EPHB3: variants seen among roughly 807,000 people sequenced by gnomAD.
EPHB3 encodes EPH receptor B3, also known as ephrin type-B receptor 3.
In EPHB3, 33 loss-of-function variants were observed where a neutral mutation model predicts 100.2. The ratio of observed to expected loss-of-function variants is 0.33; its 90% confidence interval spans 0.25 to 0.44. EPHB3 has a LOEUF of 0.44. Ranked by LOEUF, EPHB3 falls within the 20% of genes least tolerant of loss-of-function variation. The probability of loss-of-function intolerance (pLI) is 1.00; values close to 1 mark genes in which losing one functional copy is unlikely to be tolerated. For synonymous variants in EPHB3, 526 were observed against 554.7 expected (o/e 0.95, Z 0.73); for missense variants, 1,045 against 1,378.3 (o/e 0.76, Z 3.83).
rs971259854 is a variant in EPHB3 at position 184,569,660 on chromosome 3, T to G, written c.119-1658T>G. Among the ~76,000 whole-genome samples, 17 of 152,336 alleles carry G rather than the reference T, an allele frequency of 1.1e-4. No homozygotes were observed. Among genetic ancestry groups the G allele is most frequent in the African/African-American group, 3.8e-4 (16 of 41,576 alleles). ...GCGGGAGGAGCCTCCCTCCCTGCAG[T>G]GAATGGCTGCTGCCTGCAGCCCCTT... On this transcript the variant is annotated intron_variant, in intron 1 of 15. Transcript: ENST00000330394. The surrounding 1 kb of genome is among the most constrained non-coding windows in gnomAD (Gnocchi z 5.4).
chr3:184,562,446 C>G lies in EPHB3; in HGVS notation c.118+93C>G. On this transcript the variant is annotated intron_variant, in intron 1 of 15. Coordinates refer to ENST00000330394, the MANE Select transcript of EPHB3 (RefSeq NM_004443.4). The surrounding 1 kb of genome is among the most constrained non-coding windows in gnomAD (Gnocchi z 4.8). ...GTGGGTCCGACCCGGATTGAGCGCACGTCGGAGGAGGCCCCGCCACCGGCG... is the reference window on the plus strand; with the variant it reads ...GTGGGTCCGACCCGGATTGAGCGCAGGTCGGAGGAGGCCCCGCCACCGGCG... 1 of 1,121,320 alleles carries G rather than the reference C, an allele frequency of 8.9e-7. No homozygotes were observed. The highest frequency in any genetic ancestry group is 1.1e-6 in the Non-Finnish European group (1 of 916,638). 69.5% of individuals were successfully genotyped at this position (1,121,320 alleles called of 1,614,324 possible).
chr3:184,577,214 G>A lies in EPHB3; in HGVS notation c.1354+31G>A. The A allele has an allele frequency of 1.3e-6, 2 of 1,575,442 alleles. No individual in the cohort carries two copies. Among genetic ancestry groups the A allele is most frequent in the Non-Finnish European group, 1.7e-6 (2 of 1,157,794 alleles). On this transcript the variant is annotated intron_variant, in intron 5 of 15. Coordinates refer to ENST00000330394, the MANE Select transcript of EPHB3 (RefSeq NM_004443.4). The surrounding 1 kb of genome is among the most constrained non-coding windows in gnomAD (Gnocchi z 4.9). ...GAGGGGACACTGGAGGGTAGGGCCT[G>A]GGTCACTTTCTCCTGGATGAGGTGT... is the stretch of plus-strand genomic sequence containing the variant.
intron 3 of EPHB3, chr3:184,575,266 C>CTT: frequency 1.0e-6 from 1 of 979,526 alleles, no homozygotes; most frequent in Non-Finnish European, 1.2e-6. Context: ...TGCCTGCTTT[C>CTT]TTTCTCTCCT....
chr3:184,566,054 G>A (rs1714377573), intron 1 of EPHB3, among the ~76,000 whole-genome samples: 1 of 152,214 alleles, frequency 6.6e-6, no homozygotes, highest in African/African-American at 2.4e-5. Flanking sequence ...GAGGGAGACT[G>A]GATACAGCTG....
In EPHB3 at chr3:184,563,076, C is replaced by T. The variant is rs1714298490; in HGVS notation, c.118+723C>T. Among the ~76,000 whole-genome samples, 2 of 152,222 alleles carry T rather than the reference C, an allele frequency of 1.3e-5. No homozygotes were observed. Among genetic ancestry groups the T allele is most frequent in the South Asian group, 4.1e-4 (2 of 4,832 alleles). On this transcript the variant is annotated intron_variant, in intron 1 of 15. Transcript: ENST00000330394. The surrounding 1 kb of genome is among the most constrained non-coding windows in gnomAD (Gnocchi z 4.1). ...GCTGGTGGGAAAAGGCCAGGCTTCT[C>T]AATAGGTTCTGTGAAACCTGCCAAG...
intron 3 of EPHB3, among the ~76,000 whole-genome samples, chr3:184,574,585 A>G (rs1174460659): frequency 6.6e-6 from 1 of 152,152 alleles, no homozygotes; most frequent in African/African-American, 2.4e-5. Flanking sequence ...GATGACTCTT[A>G]TGGCAGCCCT....
At position 184,569,793 on chromosome 3, in the gene EPHB3, G is replaced by A. The variant is rs1339343686; in HGVS notation, c.119-1525G>A. Among the ~76,000 whole-genome samples the A allele has an allele frequency of 2.0e-5, 3 of 152,280 alleles. No individual in the cohort carries two copies. Among genetic ancestry groups the A allele is most frequent in the Non-Finnish European group, 4.4e-5 (3 of 68,046 alleles). ...TCCGGGAAACCACTGAAGGCTGCAAGCCTGTGGCCGCGGGGTTTGGGCTTT... is the reference window on the plus strand; with the variant it reads ...TCCGGGAAACCACTGAAGGCTGCAAACCTGTGGCCGCGGGGTTTGGGCTTT... On this transcript the variant is annotated intron_variant, in intron 1 of 15. Coordinates refer to ENST00000330394, the MANE Select transcript of EPHB3 (RefSeq NM_004443.4). The surrounding 1 kb of genome is among the most constrained non-coding windows in gnomAD (Gnocchi z 5.4).
chr3:184,571,222 G>A lies in EPHB3; in HGVS notation c.119-96G>A. 1 of 1,258,616 alleles carries A rather than the reference G, an allele frequency of 7.9e-7. No homozygotes were observed. Among genetic ancestry groups the A allele is most frequent in the Non-Finnish European group, 1.2e-6 (1 of 864,524 alleles). 78.0% of individuals were successfully genotyped at this position (1,258,616 alleles called of 1,614,324 possible). A position where few individuals can be genotyped will look rare whatever the true frequency, so the allele number is the denominator to read the frequency against. ...ACCTGCCTCAGACTCCCAAAGTGCTGGGATTACAGGTGTGAGCCACTTCGC... is the reference window on the plus strand; with the variant it reads ...ACCTGCCTCAGACTCCCAAAGTGCTAGGATTACAGGTGTGAGCCACTTCGC... On this transcript the variant is annotated intron_variant, in intron 1 of 15. Transcript: ENST00000330394. The surrounding 1 kb of genome is among the most constrained non-coding windows in gnomAD (Gnocchi z 5.0).
Position 184,573,804 on chromosome 3 carries a change from AC to A in EPHB3, c.856+630del, listed in dbSNP as rs1282934181. Among the ~76,000 whole-genome samples the A allele has an allele frequency of 5.8e-4, 84 of 145,044 alleles. 1 individual carries two copies. Among genetic ancestry groups the A allele is most frequent in the African/African-American group, 2.1e-3 (81 of 38,606 alleles). ...GCGATCTTGGCTTGCTGCAACCTCC[AC>A]CTCCCAGGTTCAAACAATTCTCCTG... is the stretch of plus-strand genomic sequence containing the variant. On this transcript the variant is annotated intron_variant, in intron 3 of 15. Coordinates refer to ENST00000330394, the MANE Select transcript of EPHB3 (RefSeq NM_004443.4). The surrounding 1 kb of genome is among the most constrained non-coding windows in gnomAD (Gnocchi z 4.5).
Position 184,580,558 on chromosome 3 carries a change from T to C in EPHB3, c.2329T>C (p.Phe777Leu). The C allele has an allele frequency of 6.2e-7, 1 of 1,614,198 alleles. No individual in the cohort carries two copies. The highest frequency in any genetic ancestry group is 8.5e-7 in the Non-Finnish European group (1 of 1,180,020). Residue 777 changes from phenylalanine (F) to leucine (L), a missense_variant, in exon 12 of 16, where the codon TTT becomes CTT. Physicochemically the swap from Phe to Leu is conservative, Grantham distance 22. Around this residue, in one of 2 missense-constraint regions of EPHB3, gnomAD observed 985 missense variants for 1,331.1 expected, o/e 0.74. Coordinates refer to ENST00000330394, the MANE Select transcript of EPHB3 (RefSeq NM_004443.4). Reference sequence around the variant, plus strand: ...CAACCTGGTCTGCAAAGTCTCAGACTTTGGCCTCTCCCGCTTCCTGGAGGA... The same window carrying C: ...CAACCTGGTCTGCAAAGTCTCAGACCTTGGCCTCTCCCGCTTCCTGGAGGA... ...NSNLVCKVSD[F>L]GLSRFLEDDP...
chr3:184,578,821 G>A lies in EPHB3; in HGVS notation c.1801+355G>A, dbSNP rs552554636. 2.0e-5 allele frequency among the ~76,000 whole-genome samples: 3 copies of A among 152,314 alleles called. No individual in the cohort carries two copies. The South Asian group carries it at 6.2e-4, about 32-fold the overall frequency. On this transcript the variant is annotated intron_variant, in intron 9 of 15. Coordinates refer to ENST00000330394, the MANE Select transcript of EPHB3 (RefSeq NM_004443.4). The surrounding 1 kb of genome is among the most constrained non-coding windows in gnomAD (Gnocchi z 4.7). ...GTTTAGAGAAGAGGAAGGCTTCCTC[G>A]AGGAGGTGGACTTGAGCTGAGCCAG... is the stretch of plus-strand genomic sequence containing the variant.
At position 184,577,812 on chromosome 3, in the gene EPHB3, A is replaced by G; in HGVS notation, c.1634A>G (p.Glu545Gly). 6.2e-7 allele frequency: 1 copy of G among 1,605,346 alleles called. No homozygotes were observed. Among genetic ancestry groups the G allele is most frequent in the Non-Finnish European group, 8.5e-7 (1 of 1,173,864 alleles). ...SRPAEFETTS[E>G]RGSGAQQLQE... ...CCTGCCGAGTTTGAGACCACAAGTG[A>G]GAGAGGTTAGTAGCCCCCTGCGCCT... The change falls in exon 7 of 16, where the codon GAG becomes GGG. Residue 545 changes from glutamate to glycine, a missense_variant. Glu to Gly is a moderately conservative substitution (Grantham distance 98). Coordinates refer to ENST00000330394, the MANE Select transcript of EPHB3 (RefSeq NM_004443.4). The surrounding 1 kb of genome is among the most constrained non-coding windows in gnomAD (Gnocchi z 4.9).
At chr3:184,580,105 T>G (rs913186710) in intron 11 of EPHB3, among the ~76,000 whole-genome samples, 171 bp downstream of exon 11, 10 of 152,332 alleles carry the variant, frequency 6.6e-5, no homozygotes, top group African/African-American at 2.4e-4. Context: ...GTTCACATCT[T>G]GACTGTTCCT....
intron 1 of EPHB3, among the ~76,000 whole-genome samples, chr3:184,567,902 T>C (rs1000228497): frequency 6.6e-6 from 1 of 152,166 alleles, no homozygotes; most frequent in Non-Finnish European, 1.5e-5. Context: ...GTAGGAAAGA[T>C]TCACTGTATA....
At chr3:184,576,033 G>C (rs376836629) in intron 4 of EPHB3, 48 bp downstream of exon 4, 108 of 1,551,156 alleles carry the variant, frequency 7.0e-5, no homozygotes, top group South Asian at 3.6e-5. Flanking sequence ...CTTCCCTCTG[G>C]GGGGCCAGCC....
In EPHB3 at chr3:184,577,302, AG is replaced by A; in HGVS notation, c.1355-38del. ...GAAGTGGGTCTTTGGGAAGGATGCC[AG>A]GGTCCAGGGAGCCCCTGGTGAGCCC... On this transcript the variant is annotated intron_variant, in intron 5 of 15. Coordinates refer to ENST00000330394, the MANE Select transcript of EPHB3 (RefSeq NM_004443.4). This position sits in a 1 kb window ranked among gnomAD's most constrained non-coding sequence, Gnocchi z 4.9. 1 of 1,601,964 alleles carries A rather than the reference AG, an allele frequency of 6.2e-7. No individual in the cohort carries two copies. The highest frequency in any genetic ancestry group is 8.5e-7 in the Non-Finnish European group (1 of 1,173,454).
chr3:184,580,391 G>T lies in EPHB3; in HGVS notation c.2173-11G>T, dbSNP rs1560064555. On this transcript the variant is annotated splice_polypyrimidine_tract_variant and intron_variant, in intron 11 of 15. Transcript: ENST00000330394. The stretch of plus-strand genomic sequence containing the variant: ...GCAATGGGCTCACCTGAGCCTGCTT[G>T]TTGCCTGCAGCTCAACGATGGGCAG... 1.9e-6 allele frequency: 3 copies of T among 1,614,088 alleles called. No homozygotes were observed. The highest frequency in any genetic ancestry group is 1.7e-6 in the Non-Finnish European group (2 of 1,180,024).
At chr3:184,570,939 C>A (rs1446609376) in intron 1 of EPHB3, among the ~76,000 whole-genome samples, 1 of 151,458 alleles carries the variant, frequency 6.6e-6, no homozygotes, top group Non-Finnish European at 1.5e-5. Context: ...CTTTCCTGAG[C>A]CATCTCTTCT....
At chr3:184,581,446 G>T (rs1341292617) in intron 15 of EPHB3, 38 bp downstream of exon 15, 1 of 1,587,446 alleles carries the variant, frequency 6.3e-7, no homozygotes, top group Non-Finnish European at 8.6e-7. Context: ...AGGGCAGGGG[G>T]CCCTAGGCTG....
Sources: gnomAD v4.1 joint callset for allele counts (sites outside exome capture counted in the v4.1 genomes callset) on GRCh38, gnomAD v4.1.1 for gene constraint, gnomAD v4.1.1 regional missense constraint, Gnocchi (gnomAD v3.1) non-coding constraint, MANE v1.5 for transcripts, NCBI Gene and HGNC (gene_info 2026-07-23, HGNC 2026-07-21) for gene names.